STK32B: variants seen among roughly 807,000 people sequenced by gnomAD.
The protein encoded by STK32B is serine/threonine-protein kinase 32B.
Under a neutral mutation model 52.6 loss-of-function variants are expected in STK32B, and 43 were observed. The observed-to-expected ratio is 0.82, with a 90% CI of 0.64 to 1.05. The LOEUF (loss-of-function observed/expected upper bound fraction) is 1.05, where lower values mean the gene tolerates loss of function less well. Among genes scored for constraint, STK32B ranks in the 50% least tolerant of loss-of-function variants. The pLI, the probability that STK32B is intolerant of heterozygous loss-of-function variation, is 0.00. For missense variants in STK32B, 621 were observed against 534.6 expected (o/e 1.16, Z -1.59); for synonymous variants, 238 against 204.3 (o/e 1.17, Z -1.41).
intron 3 of STK32B, among the ~76,000 whole-genome samples, chr4:5,307,634 G>A (rs959386922): frequency 6.7e-6 from 1 of 149,200 alleles, no homozygotes; most frequent in Non-Finnish European, 1.5e-5. Context: ...TCCTTCTTCT[G>A]GCAATTCATT....
intron 3 of STK32B, among the ~76,000 whole-genome samples, chr4:5,188,583 G>C (rs991744765): frequency 6.6e-6 from 1 of 152,056 alleles, no homozygotes; most frequent in Non-Finnish European, 1.5e-5. Context: ...TTACATTTCA[G>C]GTCTTTCTCG....
chr4:5,029,489 A>G, the STK32B span, among the ~76,000 whole-genome samples: 4 of 152,280 alleles, frequency 2.6e-5, no homozygotes, highest in South Asian at 6.2e-4. Context: ...CCTCAGAAGT[A>G]GACAGTGGCC....
At chr4:5,223,516 A>AAAG (rs1413311948) in intron 3 of STK32B, among the ~76,000 whole-genome samples, 1 of 152,154 alleles carries the variant, frequency 6.6e-6, no homozygotes, top group Non-Finnish European at 1.5e-5. Flanking sequence ...ACAGGGGTTC[A>AAAG]AAGAAGATTA....
At chr4:5,278,981 C>G (rs749276671) in intron 3 of STK32B, among the ~76,000 whole-genome samples, 3 of 152,148 alleles carry the variant, frequency 2.0e-5, no homozygotes, top group Non-Finnish European at 4.4e-5. Context: ...AGGTCCCTAC[C>G]CCAACACTGA....
chr4:5,324,616 A>G (rs561716273), intron 3 of STK32B, among the ~76,000 whole-genome samples: 1 of 152,204 alleles, frequency 6.6e-6, no homozygotes, highest in South Asian at 2.1e-4. Context: ...TCTGGCTCCA[A>G]CTCACTAGAT....
At chr4:5,456,085 T>C (rs969780121) in intron 7 of STK32B, among the ~76,000 whole-genome samples, 1 of 152,196 alleles carries the variant, frequency 6.6e-6, no homozygotes, top group African/African-American at 2.4e-5. Context: ...AGTGCACTGC[T>C]GCTCAGAAGC....
In STK32B at chr4:5,234,483, CTCAG is replaced by C. The variant is rs1213185640; in HGVS notation, c.260+66035_260+66038del. On this transcript the variant is annotated intron_variant, in intron 3 of 11. Transcript: ENST00000282908. ...TCTTGGTCACTGCTCTATTTCCTAGCTCAGTGTCTGGCACATAGAAAGGGCTCAA... is the reference window on the plus strand; with the variant it reads ...TCTTGGTCACTGCTCTATTTCCTAGCTGTCTGGCACATAGAAAGGGCTCAA... Among the ~76,000 whole-genome samples the C allele has an allele frequency of 5.3e-5, 8 of 150,034 alleles. No homozygotes were observed. In the East Asian group the frequency reaches 1.4e-3, roughly 26 times the overall value.
At chr4:5,463,790 G>T (rs541338015) in intron 9 of STK32B, among the ~76,000 whole-genome samples, 1 of 152,158 alleles carries the variant, frequency 6.6e-6, no homozygotes, top group African/African-American at 2.4e-5. Context: ...TTCTCTTCCG[G>T]GGATCCCTTC....
chr4:5,482,717 G>T (rs1718821436), intron 11 of STK32B, among the ~76,000 whole-genome samples: 1 of 152,178 alleles, frequency 6.6e-6, no homozygotes, highest in South Asian at 2.1e-4. Context: ...GATATTGGCT[G>T]TGGGTTTGTC....
intron 3 of STK32B, among the ~76,000 whole-genome samples, chr4:5,172,294 C>T (rs1344381346): frequency 1.3e-5 from 2 of 152,128 alleles, no homozygotes; most frequent in Admixed American, 1.3e-4. Flanking sequence ...ATTGAATACC[C>T]TTTATTTCCT....
At chr4:5,324,162 T>A (rs1731721017) in intron 3 of STK32B, among the ~76,000 whole-genome samples, 2 of 152,222 alleles carry the variant, frequency 1.3e-5, no homozygotes, top group African/African-American at 4.8e-5. Flanking sequence ...AAGACCAGTC[T>A]GGCCAACATG....
chr4:5,056,101 G>A (rs1054195442), intron 1 of STK32B, among the ~76,000 whole-genome samples: 4 of 152,080 alleles, frequency 2.6e-5, no homozygotes, highest in South Asian at 2.1e-4. Context: ...ATCAGCAGCC[G>A]CATTAGGTTC....
intron 1 of STK32B, chr4:5,127,241 C>T (rs1026584504): frequency 4.5e-5 from 20 of 449,178 alleles, no homozygotes; most frequent in South Asian, 9.5e-5. Context: ...TAAATGTCCT[C>T]GTTGTGTGGA....
At chr4:5,425,859 A>G (rs1384506271) in intron 6 of STK32B, among the ~76,000 whole-genome samples, 1 of 152,218 alleles carries the variant, frequency 6.6e-6, no homozygotes. Context: ...CCAGAAAGTC[A>G]TATAAATGAG....
intron 4 of STK32B, among the ~76,000 whole-genome samples, chr4:5,358,699 A>ACG (rs760924835): frequency 2.5e-4 from 24 of 95,248 alleles, no homozygotes; most frequent in African/African-American, 1.3e-3. Flanking sequence ...ATTCACACAC[A>ACG]TGCACACACA....
At chr4:5,336,668 T>A (rs1235614923) in intron 4 of STK32B, among the ~76,000 whole-genome samples, 2 of 152,176 alleles carry the variant, frequency 1.3e-5, no homozygotes, top group Non-Finnish European at 2.9e-5. Flanking sequence ...TTTATACTTT[T>A]CTGTAAAGTA....
intron 3 of STK32B, among the ~76,000 whole-genome samples, chr4:5,182,298 T>A (rs1720424042): frequency 6.6e-6 from 1 of 152,120 alleles, no homozygotes. Flanking sequence ...TCTTCTAAAC[T>A]CCTGTTAATG....
At position 5,467,570 on chromosome 4, in the gene STK32B, T is replaced by C. The variant is rs1206103767; in HGVS notation, c.1042-436T>C. ...AAGGTTCTATTTCCAAATAACGTCATGTTTATAAGTACTGGGGGGCTGGGA... is the reference window on the plus strand; with the variant it reads ...AAGGTTCTATTTCCAAATAACGTCACGTTTATAAGTACTGGGGGGCTGGGA... On this transcript the variant is annotated intron_variant, in intron 10 of 11. Coordinates refer to ENST00000282908, the MANE Select transcript of STK32B (RefSeq NM_018401.3). This position sits in a 1 kb window ranked among gnomAD's most constrained non-coding sequence, Gnocchi z 5.8. Among the ~76,000 whole-genome samples, 1 of 152,136 alleles carries C rather than the reference T, an allele frequency of 6.6e-6. No homozygotes were observed. Among genetic ancestry groups the C allele is most frequent in the Non-Finnish European group, 1.5e-5 (1 of 68,036 alleles).
At chr4:5,194,636 A>T (rs937144734) in intron 3 of STK32B, among the ~76,000 whole-genome samples, 1 of 152,222 alleles carries the variant, frequency 6.6e-6, no homozygotes, top group African/African-American at 2.4e-5. Context: ...AGAATTGTGT[A>T]TTAGGCAGTT....
Sources: gnomAD v4.1 joint callset for allele counts (sites outside exome capture counted in the v4.1 genomes callset) on GRCh38, gnomAD v4.1.1 for gene constraint, Gnocchi (gnomAD v3.1) non-coding constraint, MANE v1.5 for transcripts, NCBI Gene and HGNC (gene_info 2026-07-23, HGNC 2026-07-21) for gene names.